The following WWOX variants were observed in gnomAD, a reference collection of about 807,000 sequenced individuals.
WWOX encodes WW domain containing oxidoreductase.
In WWOX, 69 loss-of-function variants were observed where a neutral mutation model predicts 46.2. The ratio of observed to expected loss-of-function variants is 1.49; its 90% CI spans 1.23 to 1.82. The LOEUF (loss-of-function observed/expected upper bound fraction) is 1.82. Ranked by LOEUF, WWOX falls within the 40% of genes most tolerant of loss-of-function variation. The pLI, the probability that WWOX is intolerant of heterozygous loss-of-function variation, is 0.00. For missense variants in WWOX, 919 were observed against 542.6 expected, an observed-to-expected ratio of 1.69 and a Z score of -6.89; for synonymous variants, 359 against 202.6, an observed-to-expected ratio of 1.77 and a Z score of -6.56.
At chr16:78,699,640 A>G (rs1024911491) in intron 8 of WWOX, among the ~76,000 whole-genome samples, 2 of 152,206 alleles carry the variant, frequency 1.3e-5, no homozygotes, top group Non-Finnish European at 2.9e-5. Context: ...ATGATTATCA[A>G]TGCTTCTGTG....
intron 8 of WWOX, among the ~76,000 whole-genome samples, chr16:78,893,788 C>T (rs1341136737): frequency 2.6e-5 from 4 of 152,164 alleles, no homozygotes; most frequent in Non-Finnish European, 5.9e-5. Context: ...CTGCCCCTCT[C>T]ACCTTCATCG....
At chr16:78,618,348 G>A (rs2046081754) in intron 8 of WWOX, among the ~76,000 whole-genome samples, 2 of 152,158 alleles carry the variant, frequency 1.3e-5, no homozygotes, top group Admixed American at 6.5e-5. Flanking sequence ...TCACAGTTCT[G>A]GAGGTTGGGA....
intron 8 of WWOX, among the ~76,000 whole-genome samples, chr16:79,093,531 C>A (rs57584823): frequency 1.3e-5 from 2 of 151,522 alleles, no homozygotes; most frequent in Non-Finnish European, 2.9e-5. Context: ...AGTCATTTAA[C>A]AGTCACAGTG....
At chr16:78,748,941 A>T (rs1433140313) in intron 8 of WWOX, among the ~76,000 whole-genome samples, 1 of 152,224 alleles carries the variant, frequency 6.6e-6, no homozygotes, top group African/African-American at 2.4e-5. Flanking sequence ...CAAATAATTC[A>T]TCTTTATGCC....
intron 1 of WWOX, among the ~76,000 whole-genome samples, chr16:78,103,331 C>A (rs536796797): frequency 6.6e-6 from 1 of 151,140 alleles, no homozygotes; most frequent in African/African-American, 2.4e-5. Context: ...ATAAGTAAAC[C>A]TGTGCCATGG....
At chr16:78,778,283 G>A (rs2050241514) in intron 8 of WWOX, among the ~76,000 whole-genome samples, 1 of 152,122 alleles carries the variant, frequency 6.6e-6, no homozygotes, top group Non-Finnish European at 1.5e-5. Flanking sequence ...ATACTCTGGT[G>A]ATTGGTAACC....
chr16:79,047,319 C>T (rs1189485044), intron 8 of WWOX, among the ~76,000 whole-genome samples: 2 of 152,086 alleles, frequency 1.3e-5, no homozygotes, highest in Admixed American at 1.3e-4. Context: ...TCTTAGATTC[C>T]CTTGAGCCGC....
intron 8 of WWOX, among the ~76,000 whole-genome samples, chr16:78,884,854 A>G (rs904412526): frequency 6.6e-6 from 1 of 152,234 alleles, no homozygotes; most frequent in Non-Finnish European, 1.5e-5. Flanking sequence ...CATATCTGAC[A>G]GTTGTTGAGA....
chr16:79,004,507 A>G (rs763532687), intron 8 of WWOX: 8 of 152,246 alleles, frequency 5.3e-5, no homozygotes, highest in East Asian at 1.9e-4. Flanking sequence ...GCTGGTTTCT[A>G]TTATAGCCCT....
intron 8 of WWOX, among the ~76,000 whole-genome samples, chr16:78,723,553 C>A (rs1404887527): frequency 2.1e-5 from 3 of 145,094 alleles, no homozygotes; most frequent in African/African-American, 7.7e-5. Flanking sequence ...TGATTCCCAG[C>A]CTTCTTTTCT....
intron 5 of WWOX, among the ~76,000 whole-genome samples, chr16:78,239,950 G>A (rs1284984454): frequency 6.6e-6 from 1 of 152,148 alleles, no homozygotes; most frequent in Admixed American, 6.5e-5. Context: ...CCATGCTCCG[G>A]TTCTAAGCCA....
chr16:78,757,130 G>C (rs1021854388), intron 8 of WWOX: 6 of 646,192 alleles, frequency 9.3e-6, no homozygotes, highest in Non-Finnish European at 1.7e-5. Flanking sequence ...TAGAACCACC[G>C]AGCTAAGCTG....
intron 8 of WWOX, among the ~76,000 whole-genome samples, chr16:79,146,864 A>T (rs960341633): frequency 6.6e-6 from 1 of 152,184 alleles, no homozygotes; most frequent in Non-Finnish European, 1.5e-5. Flanking sequence ...GGTTGGAGGC[A>T]CCTTCGCTTG....
Position 78,940,668 on chromosome 16 carries a change from G to T in WWOX, c.1057-270940G>T, listed in dbSNP as rs529398119. Among the ~76,000 whole-genome samples, 3 of 122,562 alleles carry T rather than the reference G, an allele frequency of 2.4e-5. No homozygotes were observed. In the South Asian group the frequency reaches 7.6e-4, roughly 31 times the overall value. 80.4% of individuals were successfully genotyped at this position (122,562 alleles called of 152,430 possible). A position where few individuals can be genotyped will look rare whatever the true frequency, so the allele number is the denominator to read the frequency against. ...ACATATGTCTTTCTTTCTTTTCTTA[G>T]GTTAACTTTTTTTTTTTTTTTCCTT... On this transcript the variant is annotated intron_variant, in intron 8 of 8. Coordinates refer to ENST00000566780, the MANE Select transcript of WWOX (RefSeq NM_016373.4).
intron 5 of WWOX, among the ~76,000 whole-genome samples, chr16:78,234,527 T>C (rs2037374355): frequency 6.6e-6 from 1 of 152,188 alleles, no homozygotes; most frequent in Admixed American, 6.5e-5. Flanking sequence ...GATATGCCCT[T>C]TTAGTTTTCA....
At chr16:78,764,200 C>A (rs915465706) in intron 8 of WWOX, among the ~76,000 whole-genome samples, 4 of 152,038 alleles carry the variant, frequency 2.6e-5, no homozygotes, top group African/African-American at 7.2e-5. Flanking sequence ...CTCAGTCTTC[C>A]GGCTCTACCC....
At chr16:79,072,273 G>C (rs189909359) in intron 8 of WWOX, among the ~76,000 whole-genome samples, 1 of 152,146 alleles carries the variant, frequency 6.6e-6, no homozygotes, top group Non-Finnish European at 1.5e-5. Context: ...GTAACAGAAT[G>C]AGACTGTCCC....
chr16:78,306,966 C>T (rs533449181), intron 5 of WWOX, among the ~76,000 whole-genome samples: 1 of 152,204 alleles, frequency 6.6e-6, no homozygotes, highest in African/African-American at 2.4e-5. Flanking sequence ...TTTCATAACC[C>T]ATTTCCAACC....
intron 8 of WWOX, among the ~76,000 whole-genome samples, chr16:79,128,541 T>G (rs1000438777): frequency 6.6e-6 from 1 of 152,054 alleles, no homozygotes; most frequent in African/African-American, 2.4e-5. Flanking sequence ...AATGGTACCA[T>G]GTCTTGGACC....
Sources: gnomAD v4.1 joint callset for allele counts (sites outside exome capture counted in the v4.1 genomes callset) on GRCh38, gnomAD v4.1.1 for gene constraint, MANE v1.5 for transcripts, NCBI Gene and HGNC (gene_info 2026-07-23, HGNC 2026-07-21) for gene names.